The following CCDC191 variants were observed in gnomAD, a reference collection of about 807,000 sequenced individuals.
The protein encoded by CCDC191 is coiled-coil domain containing 191.
In CCDC191, 99 loss-of-function variants were observed where a neutral mutation model predicts 114.0. The ratio of observed to expected loss-of-function variants is 0.87; its 90% confidence interval spans 0.74 to 1.03. The LOEUF is 1.03. CCDC191 is among the 50% of genes least tolerant of loss of function. The probability of loss-of-function intolerance (pLI) is 0.00; values close to 1 mark genes in which losing one functional copy is unlikely to be tolerated. For synonymous variants in CCDC191, 351 were observed against 376.0 expected, an observed-to-expected ratio of 0.93 and a Z score of 0.77; for missense variants, 973 against 1,087.0, an observed-to-expected ratio of 0.90 and a Z score of 1.47.
At chr3:114,009,016 T>C (rs927369087) in intron 9 of CCDC191, among the ~76,000 whole-genome samples, 5 of 152,096 alleles carry the variant, frequency 3.3e-5, no homozygotes, top group African/African-American at 1.2e-4. Context: ...CGGAATACTG[T>C]AGGCAACTGT....
intron 13 of CCDC191, among the ~76,000 whole-genome samples, chr3:113,982,638 T>TA (rs76993362): frequency 1.6e-4 from 24 of 147,478 alleles, no homozygotes; most frequent in South Asian, 1.5e-3. Context: ...ACAGCTATGT[T>TA]AAAAAAAAAA....
At chr3:114,036,195 A>T (rs2076480271) in intron 5 of CCDC191, among the ~76,000 whole-genome samples, 1 of 152,136 alleles carries the variant, frequency 6.6e-6, no homozygotes, top group Non-Finnish European at 1.5e-5. Flanking sequence ...AAATTATAAT[A>T]AAAAAATGAG....
chr3:114,006,316 G>A (rs567824619), intron 9 of CCDC191, among the ~76,000 whole-genome samples: 2 of 152,052 alleles, frequency 1.3e-5, no homozygotes, highest in Admixed American at 1.3e-4. Flanking sequence ...AGGCATGGTG[G>A]TACGCACCTG....
intron 7 of CCDC191, 56 bp from the exon 8 acceptor site, chr3:114,018,924 C>T (rs2076205621): frequency 6.9e-7 from 1 of 1,455,436 alleles, no homozygotes; most frequent in Admixed American, 1.9e-5. Flanking sequence ...TTTCTAATAT[C>T]TAACACTGAC....
chr3:113,965,186 G>A lies in CCDC191; in HGVS notation c.2780C>T (p.Ser927Phe). ...GTTCACCAGACTTGTCTTACTCAAG[G>A]ACCAAGTATCTGATTGCTGATATAG... ...HELYQQSDTW[S>F]LSKTSLVNE Residue 927 changes from serine to phenylalanine, a missense_variant, in exon 17 of 17, where the codon TCC (serine) becomes TTC (phenylalanine). Ser to Phe is a radical substitution (Grantham distance 155). Coordinates refer to ENST00000295878, the MANE Select transcript of CCDC191 (RefSeq NM_020817.2). 1.2e-6 allele frequency: 2 copies of A among 1,607,102 alleles called. No individual in the cohort carries two copies. Among genetic ancestry groups the A allele is most frequent in the Non-Finnish European group, 1.7e-6 (2 of 1,176,854 alleles).
chr3:114,028,275 ATTTTTTTT>A (rs920211150), intron 7 of CCDC191, among the ~76,000 whole-genome samples: 1 of 126,880 alleles, frequency 7.9e-6, no homozygotes, highest in Non-Finnish European at 1.6e-5. Context: ...AATTCTAAAA[ATTTTTTTT>A]TTTTTTTTTT....
chr3:113,991,928 G>C (rs2075580800), intron 13 of CCDC191, among the ~76,000 whole-genome samples: 1 of 152,140 alleles, frequency 6.6e-6, no homozygotes, highest in Admixed American at 6.5e-5. Context: ...CAAAAATGCA[G>C]TAGTTAGGTA....
rs576230050 is a variant in CCDC191 at position 114,015,252 on chromosome 3, G to T, written c.1163+3426C>A. 1.3e-3 allele frequency among the ~76,000 whole-genome samples: 204 copies of T among 152,274 alleles called. 1 individual carries two copies. The highest frequency in any genetic ancestry group is 4.6e-3 in the African/African-American group (191 of 41,568). On this transcript the variant is annotated intron_variant, in intron 8 of 16. Coordinates refer to ENST00000295878, the MANE Select transcript of CCDC191 (RefSeq NM_020817.2). ...GGACAAAGGGAAGAGGTAAAAGCAT[G>T]TTCCAGGAAAGGCCCAGAGCACTGG... is the stretch of plus-strand genomic sequence containing the variant.
chr3:114,018,755 G>A lies in CCDC191; in HGVS notation c.1086C>T (p.Ala362=). 1 of 1,613,758 alleles carries A rather than the reference G, an allele frequency of 6.2e-7. No homozygotes were observed. Among genetic ancestry groups the A allele is most frequent in the Non-Finnish European group, 8.5e-7 (1 of 1,179,838 alleles). The change falls in exon 8 of 17, where the codon GCC becomes GCT. Residue 362 remains alanine, a synonymous_variant. Transcript: ENST00000295878. ...TCTGGAATCTTGTGTAGTCTCTCCA[G>A]GCCCGCAGGACCTTCAGCTGAATCT... The part of the protein sequence containing the change: ...DWKIQLKVLR[A]WRDYTRFQKL...
chr3:113,980,905 C>T, intron 13 of CCDC191, 112 bp from the exon 14 acceptor site: 2 of 977,708 alleles, frequency 2.0e-6, no homozygotes, highest in South Asian at 1.5e-5. Context: ...GTGTGTTAAT[C>T]ATGATAACAG....
rs1370058674 is a variant in CCDC191, at chr3:114,004,765, A to G, written c.1869-19T>C. On this transcript the variant is annotated intron_variant, in intron 10 of 16. Transcript: ENST00000295878. ...AGGTGAACTAGGGAAAAAATAAAGG[A>G]AAGGAATTTAGACTACTAACCAGTT... 6.2e-7 allele frequency: 1 copy of G among 1,604,032 alleles called. No individual in the cohort carries two copies. Among genetic ancestry groups the G allele is most frequent in the African/African-American group, 1.3e-5 (1 of 74,350 alleles).
chr3:114,039,243 C>T (rs962277650), intron 4 of CCDC191: 1 of 152,082 alleles, frequency 6.6e-6, no homozygotes, highest in Non-Finnish European at 1.5e-5. Flanking sequence ...CAGTGGCTCA[C>T]ACCTGTAATC....
intron 11 of CCDC191, 112 bp downstream of exon 11, chr3:114,004,525 G>T: frequency 6.7e-7 from 1 of 1,488,242 alleles, no homozygotes; most frequent in Non-Finnish European, 8.9e-7. Context: ...TTGATGTCAG[G>T]TTCTGCCAAG....
chr3:114,039,687 G>C (rs2076534952), intron 4 of CCDC191, among the ~76,000 whole-genome samples: 1 of 150,800 alleles, frequency 6.6e-6, no homozygotes, highest in Admixed American at 6.6e-5. Flanking sequence ...ATAGGCCTAG[G>C]CTAATGTGTG....
intron 11 of CCDC191, 191 bp from the exon 12 acceptor site, chr3:114,002,729 A>G: frequency 4.3e-6 from 4 of 921,718 alleles, no homozygotes; most frequent in Non-Finnish European, 5.2e-6. Flanking sequence ...TTAAAGACCT[A>G]TTATCCCATC....
chr3:114,001,850 C>G, intron 12 of CCDC191, 154 bp from the exon 13 acceptor site: 1 of 852,254 alleles, frequency 1.2e-6, no homozygotes, highest in Non-Finnish European at 1.8e-6. Flanking sequence ...CTCAATCAAC[C>G]TGTCATCAGT....
At chr3:114,031,564 T>C in intron 7 of CCDC191, 62 bp downstream of exon 7, 6 of 1,357,438 alleles carry the variant, frequency 4.4e-6, no homozygotes, top group Non-Finnish European at 6.3e-6. Flanking sequence ...ATCCCATCTC[T>C]GATGGAGCTC....
chr3:113,986,765 C>T (rs189859181), intron 13 of CCDC191, among the ~76,000 whole-genome samples: 2 of 152,182 alleles, frequency 1.3e-5, no homozygotes, highest in East Asian at 1.9e-4. Flanking sequence ...TTATAAGAAG[C>T]GATACCGTGG....
intron 1 of CCDC191, 105 bp downstream of exon 1, chr3:114,056,272 G>A: frequency 1.9e-6 from 2 of 1,074,070 alleles, no homozygotes; most frequent in South Asian, 1.3e-5. Context: ...GGGCGTGTCA[G>A]CTCAGGATGA....
Sources: allele counts gnomAD v4.1 joint callset (sites outside exome capture counted in the v4.1 genomes callset), GRCh38; gene constraint gnomAD v4.1.1; transcripts MANE v1.5; gene names NCBI Gene and HGNC (gene_info 2026-07-23, HGNC 2026-07-21).